ASAP1: variants seen among roughly 807,000 people sequenced by gnomAD.
ASAP1 encodes the protein arf-GAP with SH3 domain, ANK repeat and PH domain-containing protein 1.
In ASAP1, 43 loss-of-function variants were observed where a neutral mutation model predicts 145.2. The ratio of observed to expected loss-of-function variants is 0.30; its 90% CI spans 0.23 to 0.38. ASAP1 has a LOEUF of 0.38. ASAP1 is among the 10% of genes least tolerant of loss of function. The pLI, the probability that ASAP1 is intolerant of heterozygous loss-of-function variation, is 1.00. For synonymous variants in ASAP1, 546 were observed against 515.5 expected (o/e 1.06, Z -0.80); for missense variants, 1,018 against 1,355.3 (o/e 0.75, Z 3.91).
chr8:130,408,112 T>C (rs74393271), intron 1 of ASAP1, among the ~76,000 whole-genome samples: 82 of 152,338 alleles, frequency 5.4e-4, no homozygotes, highest in African/African-American at 1.9e-3. Context: ...TCTCTCAAAC[T>C]TTCCCAGCCC....
chr8:130,163,610 A>C (rs969485976), intron 11 of ASAP1, among the ~76,000 whole-genome samples: 1 of 152,204 alleles, frequency 6.6e-6, no homozygotes, highest in African/African-American at 2.4e-5. Flanking sequence ...AATGATGGCC[A>C]TTCAGCTTGC....
At chr8:130,436,437 A>G (rs936432905) in intron 1 of ASAP1, among the ~76,000 whole-genome samples, 2 of 152,326 alleles carry the variant, frequency 1.3e-5, no homozygotes, top group East Asian at 3.9e-4. Flanking sequence ...CTGGGACTAC[A>G]GGAGTGCACC....
In ASAP1 at chr8:130,242,261, TAAA is replaced by T. The variant is rs571916495; in HGVS notation, c.187-5270_187-5268del. On this transcript the variant is annotated intron_variant, in intron 3 of 29. Coordinates refer to ENST00000518721, the MANE Select transcript of ASAP1 (RefSeq NM_018482.4). Reference sequence around the variant, plus strand: ...TACTCCTATACCAAAGTGATTTCCTTAAAAAAAAAAAAAAAAAAAAAACAACTT... The same window carrying T: ...TACTCCTATACCAAAGTGATTTCCTTAAAAAAAAAAAAAAAAAAACAACTT... 1.3e-3 allele frequency among the ~76,000 whole-genome samples: 109 copies of T among 85,334 alleles called. No individual in the cohort carries two copies. The South Asian group carries it at 0.017, about 13-fold the overall frequency. The allele number at this position is 85,334 out of a possible 152,430, so 56.0% of individuals were successfully genotyped here. A position where few individuals can be genotyped will look rare whatever the true frequency, so the allele number is the denominator to read the frequency against.
intron 1 of ASAP1, among the ~76,000 whole-genome samples, chr8:130,414,204 A>G (rs1829381433): frequency 6.6e-6 from 1 of 152,186 alleles, no homozygotes; most frequent in Non-Finnish European, 1.5e-5. Flanking sequence ...TCTTAGAAAG[A>G]CCTTTCATTG....
intron 8 of ASAP1, among the ~76,000 whole-genome samples, chr8:130,180,397 T>C (rs1477299868): frequency 9.9e-5 from 15 of 152,192 alleles, no homozygotes; most frequent in Admixed American, 5.9e-4. Flanking sequence ...AAACTGGACA[T>C]ATGGTTAAAA....
intron 24 of ASAP1, among the ~76,000 whole-genome samples, chr8:130,093,674 A>AAAAAAAAAG (rs1304696809): frequency 6.7e-6 from 1 of 149,938 alleles, no homozygotes; most frequent in East Asian, 1.9e-4. Context: ...CTCAAAAAAA[A>AAAAAAAAAG]AAAAAAAAAA....
intron 27 of ASAP1, among the ~76,000 whole-genome samples, chr8:130,068,812 G>A (rs936522216): frequency 1.3e-5 from 2 of 152,194 alleles, no homozygotes; most frequent in Admixed American, 1.3e-4. Flanking sequence ...CTGGCTTTAT[G>A]ATGACAGGGC....
chr8:130,426,336 C>T (rs1014834353), intron 1 of ASAP1, among the ~76,000 whole-genome samples: 1 of 151,994 alleles, frequency 6.6e-6, no homozygotes, highest in Non-Finnish European at 1.5e-5. Context: ...GCTGATTAAA[C>T]CTCTTTTCTT....
intron 3 of ASAP1, among the ~76,000 whole-genome samples, chr8:130,256,039 G>A (rs183205087): frequency 6.6e-6 from 1 of 152,096 alleles, no homozygotes; most frequent in Non-Finnish European, 1.5e-5. Context: ...ATCTTATTAG[G>A]AAGAGAGTGA....
chr8:130,235,954 T>C (rs1194671753), intron 4 of ASAP1, among the ~76,000 whole-genome samples: 1 of 152,120 alleles, frequency 6.6e-6, no homozygotes, highest in Non-Finnish European at 1.5e-5. Flanking sequence ...TATGAGATCA[T>C]TAAATCCCTT....
At chr8:130,211,649 T>C (rs992361935) in intron 5 of ASAP1, among the ~76,000 whole-genome samples, 3 of 152,214 alleles carry the variant, frequency 2.0e-5, no homozygotes, top group Non-Finnish European at 2.9e-5. Context: ...CTTTCCTTTT[T>C]CTCCATAAAA....
At chr8:130,419,151 G>A (rs1266702601) in intron 1 of ASAP1, among the ~76,000 whole-genome samples, 3 of 152,146 alleles carry the variant, frequency 2.0e-5, no homozygotes, top group Non-Finnish European at 2.9e-5. Flanking sequence ...CGAGGCTTCA[G>A]TCAAACAGAT....
intron 3 of ASAP1, among the ~76,000 whole-genome samples, chr8:130,298,634 A>G (rs1166776926): frequency 1.3e-5 from 2 of 152,116 alleles, no homozygotes; most frequent in Non-Finnish European, 2.9e-5. Context: ...TAAGCCCCCC[A>G]TCTTTCCAGG....
chr8:130,195,696 AT>A (rs1258355329), intron 5 of ASAP1, among the ~76,000 whole-genome samples: 1 of 152,176 alleles, frequency 6.6e-6, no homozygotes, highest in Non-Finnish European at 1.5e-5. Flanking sequence ...GCCGAGGTCT[AT>A]CTTTCATTAT....
At chr8:130,249,971 T>C (rs575710644) in intron 3 of ASAP1, among the ~76,000 whole-genome samples, 1 of 152,312 alleles carries the variant, frequency 6.6e-6, no homozygotes, top group Admixed American at 6.5e-5. Flanking sequence ...AGGAACATTA[T>C]TCTTCTCTCT....
chr8:130,226,814 C>T (rs1277755825), intron 4 of ASAP1, among the ~76,000 whole-genome samples: 1 of 152,182 alleles, frequency 6.6e-6, no homozygotes, highest in Non-Finnish European at 1.5e-5. Context: ...CTTCATCATA[C>T]AGCCTTCCTA....
At chr8:130,338,852 G>A (rs1825199732) in intron 3 of ASAP1, among the ~76,000 whole-genome samples, 1 of 152,186 alleles carries the variant, frequency 6.6e-6, no homozygotes, top group Non-Finnish European at 1.5e-5. Flanking sequence ...TCCTTCTGAG[G>A]ACTGTTTCCT....
intron 3 of ASAP1, among the ~76,000 whole-genome samples, chr8:130,250,382 T>G (rs1299918210): frequency 6.6e-6 from 1 of 152,198 alleles, no homozygotes; most frequent in Non-Finnish European, 1.5e-5. Context: ...TTCTGCCATG[T>G]CTGACTGCTT....
intron 4 of ASAP1, among the ~76,000 whole-genome samples, chr8:130,215,400 C>A (rs1220035024): frequency 6.6e-6 from 1 of 152,036 alleles, no homozygotes; most frequent in Non-Finnish European, 1.5e-5. Flanking sequence ...GAGTTCAAGA[C>A]CAGCCTGGGC....
Sources: gnomAD v4.1 joint callset for allele counts (sites outside exome capture counted in the v4.1 genomes callset) on GRCh38, gnomAD v4.1.1 for gene constraint, MANE v1.5 for transcripts, NCBI Gene and HGNC (gene_info 2026-07-23, HGNC 2026-07-21) for gene names.